The following DLG2 variants were observed in gnomAD, a reference collection of about 807,000 sequenced individuals.
DLG2 encodes disks large homolog 2.
Under a neutral mutation model 132.5 loss-of-function variants are expected in DLG2, and 45 were observed. That is an observed-to-expected ratio of 0.34 (90% CI 0.27 to 0.44). DLG2 has a LOEUF of 0.44. Ranked by LOEUF, DLG2 falls within the 20% of genes least tolerant of loss-of-function variation. The probability of loss-of-function intolerance (pLI) is 1.00; values close to 1 mark genes in which losing one functional copy is unlikely to be tolerated. For missense variants in DLG2, 1,045 were observed against 1,196.9 expected (o/e 0.87, Z 1.87); for synonymous variants, 424 against 419.6 (o/e 1.01, Z -0.13).
intron 2 of DLG2, among the ~76,000 whole-genome samples, 185 bp downstream of exon 2, chr11:85,626,402 T>C (rs1478319420): frequency 5.9e-5 from 9 of 152,196 alleles, no homozygotes; most frequent in African/African-American, 1.7e-4. Context: ...TAAATATCTA[T>C]CAATAAATAC....
At chr11:84,761,609 T>C (rs2067641160) in intron 6 of DLG2, among the ~76,000 whole-genome samples, 1 of 152,214 alleles carries the variant, frequency 6.6e-6, no homozygotes, top group South Asian at 2.1e-4. Context: ...TTTTCTCCCA[T>C]GTTGAATGCT....
At chr11:84,323,720 C>CTTTTTTTTTTTTTTTTTTTTTTTTTTTT in intron 7 of DLG2, among the ~76,000 whole-genome samples, 1 of 123,788 alleles carries the variant, frequency 8.1e-6, no homozygotes, top group Non-Finnish European at 1.7e-5. Flanking sequence ...TTCTTTTTTC[C>CTTTTTTTTTTTTTTTTTTTTTTTTTTTT]TTTTTTTTTT....
rs190933008 is a variant in DLG2, at chr11:83,915,610, T to A, written c.1496+14718A>T. On this transcript the variant is annotated intron_variant, in intron 15 of 27. Coordinates refer to ENST00000376104, the MANE Select transcript of DLG2 (RefSeq NM_001142699.3). ...CTTTCATAGACAAATTAAAACTTTT[T>A]AAAATTATTTTTTATTATTTTTATC... 1.5e-3 allele frequency among the ~76,000 whole-genome samples: 221 copies of A among 152,314 alleles called. 1 individual carries two copies. Among genetic ancestry groups the A allele is most frequent in the African/African-American group, 5.0e-3 (210 of 41,592 alleles).
chr11:84,244,562 G>T (rs1285527580), intron 8 of DLG2, among the ~76,000 whole-genome samples: 1 of 152,156 alleles, frequency 6.6e-6, no homozygotes. Flanking sequence ...AGATTGGCTA[G>T]GTTTGACACC....
chr11:83,861,203 G>T (rs2061401656), intron 16 of DLG2, among the ~76,000 whole-genome samples: 1 of 152,166 alleles, frequency 6.6e-6, no homozygotes, highest in Admixed American at 6.5e-5. Flanking sequence ...CAGTCAAAAT[G>T]GCTATATCCA....
intron 3 of DLG2, among the ~76,000 whole-genome samples, chr11:85,483,546 C>T (rs1288885627): frequency 2.0e-5 from 3 of 152,030 alleles, no homozygotes; most frequent in Non-Finnish European, 4.4e-5. Context: ...AAGCATAAAA[C>T]TCAATGGTAA....
intron 6 of DLG2, among the ~76,000 whole-genome samples, chr11:85,096,949 C>G (rs1299307446): frequency 6.6e-6 from 1 of 152,078 alleles, no homozygotes. Context: ...CTGGGCTGAG[C>G]CAAGGGTCGA....
intron 6 of DLG2, among the ~76,000 whole-genome samples, chr11:84,652,934 T>A (rs1164367674): frequency 6.9e-6 from 1 of 144,766 alleles, no homozygotes. Flanking sequence ...TATTGGAGGT[T>A]TTTTTTTTTT....
intron 3 of DLG2, among the ~76,000 whole-genome samples, chr11:85,456,662 T>C (rs1018545024): frequency 6.6e-6 from 1 of 152,214 alleles, no homozygotes; most frequent in Non-Finnish European, 1.5e-5. Context: ...TTCTTGTATG[T>C]TCTGTCTTTG....
chr11:84,316,941 A>C, intron 7 of DLG2: 1 of 1,612,770 alleles, frequency 6.2e-7, no homozygotes, highest in Non-Finnish European at 8.5e-7. Flanking sequence ...GTCCTGTTGA[A>C]GCTGGACCCC....
intron 19 of DLG2, among the ~76,000 whole-genome samples, chr11:83,551,800 A>G (rs1287661527): frequency 6.6e-6 from 1 of 152,176 alleles, no homozygotes; most frequent in East Asian, 1.9e-4. Context: ...ATTCCCACAG[A>G]TGGAAATGAG....
intron 3 of DLG2, among the ~76,000 whole-genome samples, chr11:85,293,178 T>C (rs990734596): frequency 1.3e-5 from 2 of 151,992 alleles, no homozygotes; most frequent in Non-Finnish European, 2.9e-5. Context: ...AATGATGGAG[T>C]TATAAAATCA....
intron 6 of DLG2, among the ~76,000 whole-genome samples, chr11:84,653,327 T>A (rs994360626): frequency 5.9e-5 from 9 of 152,210 alleles, no homozygotes; most frequent in Non-Finnish European, 1.0e-4. Context: ...GAAGGCTCTT[T>A]CAAAAAGATC....
intron 2 of DLG2, among the ~76,000 whole-genome samples, chr11:85,614,696 T>C (rs1223921702): frequency 6.6e-6 from 1 of 152,224 alleles, no homozygotes; most frequent in Non-Finnish European, 1.5e-5. Flanking sequence ...TGTCATTTTA[T>C]TACTAATAAT....
chr11:84,310,079 T>C (rs2098271427), intron 7 of DLG2, among the ~76,000 whole-genome samples: 1 of 152,116 alleles, frequency 6.6e-6, no homozygotes, highest in African/African-American at 2.4e-5. Flanking sequence ...TAAAGTAGGC[T>C]AAGGGAATCC....
At chr11:85,083,005 C>T (rs993616185) in intron 6 of DLG2, among the ~76,000 whole-genome samples, 4 of 152,002 alleles carry the variant, frequency 2.6e-5, no homozygotes, top group Non-Finnish European at 5.9e-5. Flanking sequence ...TAGCCACTTA[C>T]CAAGGAATGG....
intron 6 of DLG2, among the ~76,000 whole-genome samples, chr11:84,658,165 T>C (rs979246974): frequency 6.6e-6 from 1 of 152,116 alleles, no homozygotes; most frequent in Admixed American, 6.5e-5. Context: ...TACACGATGA[T>C]TTAATTTTGA....
chr11:83,753,248 C>A (rs1222967883), intron 18 of DLG2, among the ~76,000 whole-genome samples: 1 of 151,886 alleles, frequency 6.6e-6, no homozygotes, highest in Non-Finnish European at 1.5e-5. Flanking sequence ...CATGGAGAAA[C>A]TCCACCTCTA....
At chr11:84,499,811 C>T (rs1166798543) in intron 7 of DLG2, among the ~76,000 whole-genome samples, 1 of 151,964 alleles carries the variant, frequency 6.6e-6, no homozygotes, top group Non-Finnish European at 1.5e-5. Context: ...AGATTAAGCA[C>T]TTAATTTTAA....
Sources: allele counts gnomAD v4.1 joint callset (sites outside exome capture counted in the v4.1 genomes callset), GRCh38; gene constraint gnomAD v4.1.1; transcripts MANE v1.5; gene names NCBI Gene and HGNC (gene_info 2026-07-23, HGNC 2026-07-21).